TACR2: variants seen among roughly 807,000 people sequenced by gnomAD.
TACR2 encodes substance-K receptor.
TACR2 carries 24 observed loss-of-function variants against 28.9 expected under a neutral mutation model. The observed-to-expected ratio is 0.83, with a 90% confidence interval of 0.60 to 1.17. The LOEUF (loss-of-function observed/expected upper bound fraction) is 1.17. TACR2 is among the 50% of genes most tolerant of loss of function. The pLI, the probability that TACR2 is intolerant of heterozygous loss-of-function variation, is 0.00. For synonymous variants in TACR2, 222 were observed against 212.6 expected (o/e 1.04, Z -0.38); for missense variants, 487 against 524.4 (o/e 0.93, Z 0.70).
intron 2 of TACR2, among the ~76,000 whole-genome samples, chr10:69,411,480 C>G (rs188340842): frequency 5.9e-5 from 9 of 152,316 alleles, no homozygotes; most frequent in Admixed American, 2.0e-4. Flanking sequence ...GGACTAACAA[C>G]TTAGCTACAA....
chr10:69,414,951 A>G lies in TACR2; in HGVS notation c.581T>C (p.Leu194Pro), dbSNP rs1393141500. Residue 194 changes from leucine (L) to proline (P), a missense_variant, in exon 2 of 5, where the codon CTC (leucine) becomes CCC (proline). Physicochemically the swap from Leu to Pro is moderately conservative, Grantham distance 98. Transcript: ENST00000373306. ...AWPEDSGGKTLLLYHLVVIAL... is the reference protein window; with the variant it reads ...AWPEDSGGKTPLLYHLVVIAL... The stretch of plus-strand genomic sequence containing the variant: ...AATCCCCCAGAGGCCTTACAGGAGG[A>G]GCGTCTTGCCCCCGCTGTCTTCGGG... The G allele has an allele frequency of 6.2e-7, 1 of 1,609,336 alleles. No homozygotes were observed. Among genetic ancestry groups the G allele is most frequent in the South Asian group, 1.1e-5 (1 of 90,882 alleles).
chr10:69,407,002 G>T, intron 4 of TACR2, 82 bp downstream of exon 4: 1 of 1,422,654 alleles, frequency 7.0e-7, no homozygotes, highest in South Asian at 1.2e-5. Context: ...GAGGATGGAT[G>T]CTTGAGCTGT....
chr10:69,410,500 G>T (rs904188615), intron 2 of TACR2, among the ~76,000 whole-genome samples: 7 of 142,404 alleles, frequency 4.9e-5, no homozygotes, highest in African/African-American at 1.8e-4. Flanking sequence ...TAGCCTGGGC[G>T]ATAGAGTGAG....
intron 2 of TACR2, among the ~76,000 whole-genome samples, chr10:69,409,921 A>ATATATG (rs1840553253): frequency 3.4e-5 from 3 of 87,070 alleles, no homozygotes; most frequent in South Asian, 8.6e-4. Context: ...ATATATATAT[A>ATATATG]TATATATATA....
At chr10:69,408,092 C>CT (rs1351501853) in intron 3 of TACR2, among the ~76,000 whole-genome samples, 1 of 152,160 alleles carries the variant, frequency 6.6e-6, no homozygotes, top group African/African-American at 2.4e-5. Flanking sequence ...CAAGGACAAG[C>CT]TTGGACTGAA....
At chr10:69,406,789 C>A (rs377255918) in intron 4 of TACR2, among the ~76,000 whole-genome samples, 6 of 152,176 alleles carry the variant, frequency 3.9e-5, no homozygotes, top group Non-Finnish European at 8.8e-5. Flanking sequence ...CTTCTCTCTT[C>A]TCTTGCCCCA....
chr10:69,406,953 G>A (rs1840506906), intron 4 of TACR2, 131 bp downstream of exon 4: 2 of 915,834 alleles, frequency 2.2e-6, no homozygotes, highest in Non-Finnish European at 3.4e-6. Context: ...GCTTTCTCAT[G>A]TAGGCTGGGG....
intron 3 of TACR2, among the ~76,000 whole-genome samples, chr10:69,407,558 AAG>A (rs1840514712): frequency 6.6e-6 from 1 of 151,990 alleles, no homozygotes; most frequent in African/African-American, 2.4e-5. Context: ...CTTCCTACAA[AAG>A]GTGTCTGGGA....
At position 69,416,516 on chromosome 10, in the gene TACR2, G is replaced by T. The variant is rs1008369111; in HGVS notation, c.-193C>A. 2 of 637,610 alleles carry T rather than the reference G, an allele frequency of 3.1e-6. No individual in the cohort carries two copies. The highest frequency in any genetic ancestry group is 5.2e-6 in the Non-Finnish European group (2 of 387,102). The allele number at this position is 637,610 out of a possible 1,614,324, so 39.5% of individuals were successfully genotyped here. ...AAAGATGAGCTGGGCTGAGCACAAA[G>T]CCCAGTCCAGAACCATTGTCATTTC... On this transcript the variant is annotated 5_prime_UTR_variant, in exon 1 of 5. Coordinates refer to ENST00000373306, the MANE Select transcript of TACR2 (RefSeq NM_001057.3).
chr10:69,413,602 A>G (rs926679626), intron 2 of TACR2, among the ~76,000 whole-genome samples: 10 of 152,342 alleles, frequency 6.6e-5, no homozygotes, highest in African/African-American at 2.4e-4. Flanking sequence ...GTCCCCAGGA[A>G]CGGCTTCTCA....
rs149794645 is a variant in TACR2 at position 69,405,001 on chromosome 10, G to C, written c.1022C>G (p.Thr341Arg). ...GTTGACTCTCGTGGAGAGGGAGGTC[G>C]TGGGAGTCAGCTCGAGCTTATCTTC... ...TKEDKLELTP[T>R]TSLSTRVNRC... The change falls in exon 5 of 5, where the codon ACG (threonine) becomes AGG (arginine). Residue 341 changes from threonine (T) to arginine (R), a missense_variant. Transcript: ENST00000373306. The C allele has an allele frequency of 6.2e-6, 10 of 1,614,070 alleles. No individual in the cohort carries two copies. The African/African-American group carries it at 1.3e-4, about 22-fold the overall frequency.
At chr10:69,407,570 A>AC (rs36119582) in intron 3 of TACR2, among the ~76,000 whole-genome samples, 1 of 152,024 alleles carries the variant, frequency 6.6e-6, no homozygotes, top group Non-Finnish European at 1.5e-5. Context: ...GGTGTCTGGG[A>AC]CCCCTTCATT....
At chr10:69,412,259 A>G (rs985207337) in intron 2 of TACR2, among the ~76,000 whole-genome samples, 1 of 152,176 alleles carries the variant, frequency 6.6e-6, no homozygotes, top group Non-Finnish European at 1.5e-5. Flanking sequence ...GGTGATTATA[A>G]TGGCTCCAGT....
chr10:69,412,112 G>A (rs533928215), intron 2 of TACR2, among the ~76,000 whole-genome samples: 4 of 152,288 alleles, frequency 2.6e-5, no homozygotes, highest in South Asian at 4.1e-4. Context: ...GAGCCACCGC[G>A]CCTGGCCTGA....
intron 2 of TACR2, chr10:69,409,349 A>G: frequency 3.1e-6 from 1 of 320,800 alleles, no homozygotes; most frequent in Non-Finnish European, 5.7e-6. Flanking sequence ...GTGTCAAAAA[A>G]AGGAAAAGTG....
Position 69,416,345 on chromosome 10 carries a change from A to G in TACR2, c.-22T>C, listed in dbSNP as rs755635866. ...CCATGGCTGCTTCTGGGTCTGGAAC[A>G]AAGGACCTGGCTCCTCGGCTCCTCT... On this transcript the variant is annotated 5_prime_UTR_variant, in exon 1 of 5. Transcript: ENST00000373306. 3 of 1,561,684 alleles carry G rather than the reference A, an allele frequency of 1.9e-6. No individual in the cohort carries two copies. The African/African-American group carries it at 4.1e-5, about 21-fold the overall frequency.
rs1419007427 is a variant in TACR2, at chr10:69,404,928, G to A, written c.1095C>T (p.Pro365=). The A allele has an allele frequency of 4.3e-6, 7 of 1,614,088 alleles. No individual in the cohort carries two copies. The highest frequency in any genetic ancestry group is 1.7e-4 in the Middle Eastern group (1 of 6,060). The change falls in exon 5 of 5, where the codon CCC becomes CCT. Residue 365 remains proline (P), a synonymous_variant. Transcript: ENST00000373306. ...ETLFMAGDTA[P]SEATSGEAGR... ...CCGCCTCCCCACTGGTAGCCTCGGA[G>A]GGGGCTGTGTCCCCAGCCATGAACA... is the stretch of plus-strand genomic sequence containing the variant.
intron 2 of TACR2, among the ~76,000 whole-genome samples, chr10:69,410,573 T>C (rs1225760916): frequency 6.6e-6 from 1 of 150,880 alleles, no homozygotes; most frequent in African/African-American, 2.4e-5. Context: ...CTCTGGTTTA[T>C]GAGTGACGCT....
At chr10:69,415,238 G>T (rs1005859687) in intron 1 of TACR2, 99 bp from the exon 2 acceptor site, 1 of 1,278,172 alleles carries the variant, frequency 7.8e-7, no homozygotes, top group Non-Finnish European at 1.1e-6. Flanking sequence ...ACGCCTTCTA[G>T]CCATTCCCCG....
Sources: gnomAD v4.1 joint callset for allele counts (sites outside exome capture counted in the v4.1 genomes callset) on GRCh38, gnomAD v4.1.1 for gene constraint, MANE v1.5 for transcripts, NCBI Gene and HGNC (gene_info 2026-07-23, HGNC 2026-07-21) for gene names.